Variants in SHISA9 observed in about 807,000 individuals in gnomAD.
The protein encoded by SHISA9 is shisa family member 9.
Under a neutral mutation model 38.0 loss-of-function variants are expected in SHISA9, and 13 were observed. That is an observed-to-expected ratio of 0.34 (90% confidence interval 0.22 to 0.54). SHISA9 has a LOEUF of 0.54. Ranked by LOEUF, SHISA9 falls within the 20% of genes least tolerant of loss-of-function variation. SHISA9 has a pLI of 0.91. For synonymous variants in SHISA9, 275 were observed against 242.0 expected, an observed-to-expected ratio of 1.14 and a Z score of -1.27; for missense variants, 538 against 575.8, an observed-to-expected ratio of 0.93 and a Z score of 0.67.
At chr16:13,182,701 G>A (rs1053927045) in intron 2 of SHISA9, among the ~76,000 whole-genome samples, 5 of 152,186 alleles carry the variant, frequency 3.3e-5, no homozygotes, top group Admixed American at 1.3e-4. Flanking sequence ...AATGGACACA[G>A]ACCTCCACCA....
chr16:13,134,641 G>C (rs1036715305), intron 2 of SHISA9, among the ~76,000 whole-genome samples: 1 of 152,124 alleles, frequency 6.6e-6, no homozygotes, highest in African/African-American at 2.4e-5. Flanking sequence ...GGAGAGATGG[G>C]CAGGGGCTGA....
intron 4 of SHISA9, among the ~76,000 whole-genome samples, chr16:13,229,602 G>T (rs1029941741): frequency 2.6e-5 from 4 of 152,154 alleles, no homozygotes; most frequent in Admixed American, 6.5e-5. Context: ...TTTGGGAAGG[G>T]GTCCAGGTGT....
intron 4 of SHISA9, among the ~76,000 whole-genome samples, chr16:13,214,221 C>T (rs1374977607): frequency 6.6e-6 from 1 of 152,122 alleles, no homozygotes; most frequent in Non-Finnish European, 1.5e-5. Context: ...ATTTATGAGA[C>T]AGAGTCTCAC....
At chr16:13,234,697 AAAG>A (rs2051363566) in intron 4 of SHISA9, among the ~76,000 whole-genome samples, 2 of 152,240 alleles carry the variant, frequency 1.3e-5, no homozygotes, top group African/African-American at 4.8e-5. Context: ...TTTTAATAAA[AAAG>A]AAACAACACG....
the SHISA9 span, among the ~76,000 whole-genome samples, chr16:13,451,341 T>A: frequency 1.3e-5 from 2 of 152,140 alleles, no homozygotes; most frequent in Non-Finnish European, 2.9e-5. Context: ...AGCGTCTGCT[T>A]TGGGAAGAAA....
intron 2 of SHISA9, among the ~76,000 whole-genome samples, chr16:13,070,718 A>G (rs28622238): frequency 0.06 from 9,175 of 152,066 alleles, 417 homozygotes; most frequent in Admixed American, 0.14. Context: ...TCATTAGCAA[A>G]CCTATGCAGT....
chr16:13,176,714 G>A (rs907119498), intron 2 of SHISA9, among the ~76,000 whole-genome samples: 1 of 151,688 alleles, frequency 6.6e-6, no homozygotes, highest in Non-Finnish European at 1.5e-5. Context: ...TTTTCCCCAA[G>A]AAGTAAAATG....
chr16:13,413,306 C>T, the SHISA9 span, among the ~76,000 whole-genome samples: 1 of 152,158 alleles, frequency 6.6e-6, no homozygotes, highest in South Asian at 2.1e-4. Context: ...TTCGTCTACT[C>T]TTGTCATCAG....
chr16:13,379,439 C>T, the SHISA9 span, among the ~76,000 whole-genome samples: 1 of 152,150 alleles, frequency 6.6e-6, no homozygotes, highest in Admixed American at 6.5e-5. Flanking sequence ...AGGAGCAACT[C>T]CCAGGTCCCC....
chr16:13,508,157 A>G, the SHISA9 span, among the ~76,000 whole-genome samples: 6 of 152,180 alleles, frequency 3.9e-5, no homozygotes, highest in Non-Finnish European at 7.3e-5. Flanking sequence ...CCTACCTTTT[A>G]GAGTTACATA....
chr16:13,049,156 A>ATG (rs10526925), intron 2 of SHISA9, among the ~76,000 whole-genome samples: 3,550 of 63,594 alleles, frequency 0.056, 75 homozygotes, highest in East Asian at 0.13. Context: ...GGTTAGGAGT[A>ATG]TGTGTGTGTG....
At chr16:13,501,738 C>T in the SHISA9 span, among the ~76,000 whole-genome samples, 4 of 152,128 alleles carry the variant, frequency 2.6e-5, no homozygotes, top group Non-Finnish European at 5.9e-5. Flanking sequence ...CACGGTGGCT[C>T]AAGCCTATAA....
At chr16:13,216,739 G>T (rs1031990833) in intron 4 of SHISA9, among the ~76,000 whole-genome samples, 1 of 152,124 alleles carries the variant, frequency 6.6e-6, no homozygotes, top group Non-Finnish European at 1.5e-5. Context: ...GAAAGGACAA[G>T]GTCCTTGAAG....
chr16:13,181,310 T>TATAC (rs1178635064), intron 2 of SHISA9, among the ~76,000 whole-genome samples: 2 of 33,006 alleles, frequency 6.1e-5, no homozygotes, highest in Non-Finnish European at 1.1e-4. Flanking sequence ...TATATATATA[T>TATAC]ATACACACAC....
chr16:13,539,357 A>ATT, the SHISA9 span, among the ~76,000 whole-genome samples: 1 of 75,470 alleles, frequency 1.3e-5, no homozygotes, highest in Non-Finnish European at 2.8e-5. Context: ...ATATATATAT[A>ATT]TAAAGACAGG....
At chr16:13,368,503 G>C in the SHISA9 span, among the ~76,000 whole-genome samples, 4 of 152,082 alleles carry the variant, frequency 2.6e-5, no homozygotes, top group African/African-American at 9.7e-5. Context: ...GCTTCGTTGC[G>C]TTAGGGGGTT....
At chr16:12,971,393 G>C (rs1421500697) in intron 2 of SHISA9, among the ~76,000 whole-genome samples, 3 of 152,200 alleles carry the variant, frequency 2.0e-5, no homozygotes, top group East Asian at 1.9e-4. Flanking sequence ...GCCCAGCTGG[G>C]TTGGAGAGGC....
chr16:13,143,576 C>T (rs1454726024), intron 2 of SHISA9, among the ~76,000 whole-genome samples: 1 of 152,184 alleles, frequency 6.6e-6, no homozygotes, highest in East Asian at 1.9e-4. Context: ...GGTGATCCCT[C>T]TTGATGTGAT....
intron 1 of SHISA9, 64 bp from the exon 2 acceptor site, chr16:12,916,624 G>A: frequency 6.6e-7 from 1 of 1,514,554 alleles, no homozygotes; most frequent in South Asian, 1.3e-5. Flanking sequence ...TGCAGTACTC[G>A]GCGCATAGCA....
Sources: gnomAD v4.1 joint callset for allele counts (sites outside exome capture counted in the v4.1 genomes callset) on GRCh38, gnomAD v4.1.1 for gene constraint, MANE v1.5 for transcripts, NCBI Gene and HGNC (gene_info 2026-07-23, HGNC 2026-07-21) for gene names.